The following MAP3K15 variants were observed in gnomAD, a reference collection of about 807,000 sequenced individuals.
The protein encoded by MAP3K15 is mitogen-activated protein kinase kinase kinase 15.
A neutral mutation model predicts 99.5 loss-of-function variants in MAP3K15; 124 were observed. That is an observed-to-expected ratio of 1.25 (90% confidence interval 1.08 to 1.45). The LOEUF is 1.45. Among genes scored for constraint, MAP3K15 ranks in the 40% most tolerant of loss-of-function variants. The pLI is 0.00. For missense variants in MAP3K15, 1,242 were observed against 1,079.7 expected, an observed-to-expected ratio of 1.15 and a Z score of -2.11; for synonymous variants, 494 against 439.6, an observed-to-expected ratio of 1.12 and a Z score of -1.55.
intron 1 of MAP3K15, among the ~76,000 whole-genome samples, chrX:19,508,683 G>C (rs2064496544): frequency 3.6e-5 from 4 of 111,088 alleles, no homozygotes; most frequent in African/African-American, 1.3e-4. Flanking sequence ...AGGAATTCGA[G>C]TCCATAAGAT....
At chrX:19,384,235 T>C (rs151126647) in intron 18 of MAP3K15, among the ~76,000 whole-genome samples, 1 of 110,836 alleles carries the variant, frequency 9.0e-6, no homozygotes, top group Non-Finnish European at 1.9e-5. Context: ...AAGTCAGGCA[T>C]AGAAAGAGAA....
chrX:19,419,628 C>A (rs768864054), intron 9 of MAP3K15, among the ~76,000 whole-genome samples: 214 of 110,508 alleles, frequency 1.9e-3, no homozygotes, highest in African/African-American at 4.2e-3. Context: ...TAGACAGATC[C>A]ACGAGACAGA....
chrX:19,360,566 G>GT lies in MAP3K15; in HGVS notation c.*182dup. The GT allele has an allele frequency of 2.5e-6, 1 of 401,140 alleles. No homozygotes were observed. Among genetic ancestry groups the GT allele is most frequent in the Non-Finnish European group, 4.3e-6 (1 of 231,225 alleles). The allele number at this position is 401,140 out of a possible 1,213,427, so 33.1% of individuals were successfully genotyped here. On this transcript the variant is annotated 3_prime_UTR_variant, in exon 29 of 29. Transcript: ENST00000338883. ...GTTTTCACAATACACACAGTTCTAT[G>GT]TTTATAAATAACAGGTTTCAAAAGA... is the stretch of plus-strand genomic sequence containing the variant.
At chrX:19,392,776 C>T (rs1490415763) in intron 16 of MAP3K15, among the ~76,000 whole-genome samples, 1 of 111,400 alleles carries the variant, frequency 9.0e-6, no homozygotes, top group African/African-American at 3.3e-5. Context: ...AGGAGGAGAG[C>T]GAAATAATGC....
intron 11 of MAP3K15, among the ~76,000 whole-genome samples, chrX:19,410,644 T>C (rs2063680347): frequency 9.0e-6 from 1 of 111,551 alleles, no homozygotes; most frequent in African/African-American, 3.3e-5. Context: ...GTTAAGATAT[T>C]GAGATTTGGG....
chrX:19,505,981 G>A (rs1431742331), intron 1 of MAP3K15, among the ~76,000 whole-genome samples: 3 of 110,104 alleles, frequency 2.7e-5, no homozygotes, highest in Non-Finnish European at 5.7e-5. Context: ...TGCTCAGGCT[G>A]TAGTGCAATG....
intron 1 of MAP3K15, among the ~76,000 whole-genome samples, chrX:19,509,383 T>C (rs1014839138): frequency 2.7e-5 from 3 of 111,634 alleles, no homozygotes; most frequent in African/African-American, 9.8e-5. Flanking sequence ...AGAACAGAAA[T>C]CATAACAGCC....
Position 19,426,218 on chromosome X carries a change from TA to T in MAP3K15, c.1279+12del. ...ATCAAAGCAACAACATCTGCAATAA[TA>T]AGCAGCTTTACCTATTTTCCTTAGT... On this transcript the variant is annotated intron_variant, in intron 8 of 28. Transcript: ENST00000338883. 1.0e-6 allele frequency: 1 copy of T among 974,264 alleles called. No homozygotes were observed. Among genetic ancestry groups the T allele is most frequent in the South Asian group, 2.3e-5 (1 of 42,576 alleles). 80.3% of individuals were successfully genotyped at this position (974,264 alleles called of 1,213,427 possible).
In MAP3K15 at chrX:19,373,528, G is replaced by C; in HGVS notation, c.2933+8C>G. ...GGCCCGCGGCAGACAGACAGAATAC[G>C]GGTGTACCTGAGGAGGTGGCCAAGG... On this transcript the variant is annotated splice_region_variant and intron_variant, in intron 21 of 28. Transcript: ENST00000338883. The C allele has an allele frequency of 1.7e-6, 2 of 1,168,245 alleles. No individual in the cohort carries two copies. The highest frequency in any genetic ancestry group is 2.3e-6 in the Non-Finnish European group (2 of 873,202).
chrX:19,488,189 A>G (rs1201434646), intron 2 of MAP3K15, among the ~76,000 whole-genome samples: 4 of 112,287 alleles, frequency 3.6e-5, no homozygotes, highest in African/African-American at 1.3e-4. Context: ...CATGTTAAAC[A>G]TTTCCACTAT....
intron 7 of MAP3K15, among the ~76,000 whole-genome samples, chrX:19,427,829 T>C (rs977499507): frequency 1.8e-5 from 2 of 111,366 alleles, no homozygotes; most frequent in African/African-American, 6.5e-5. Flanking sequence ...AGTTAAAATA[T>C]GGCATTATCA....
intron 9 of MAP3K15, among the ~76,000 whole-genome samples, chrX:19,415,829 A>C (rs1221206949): frequency 8.9e-6 from 1 of 112,228 alleles, no homozygotes; most frequent in Non-Finnish European, 1.9e-5. Context: ...TCTTACAAAA[A>C]GTTAAAATGT....
chrX:19,458,161 C>T (rs768239059), intron 5 of MAP3K15, among the ~76,000 whole-genome samples: 2 of 111,929 alleles, frequency 1.8e-5, no homozygotes, highest in African/African-American at 3.2e-5. Flanking sequence ...TGTGGCTCTG[C>T]GCCTTGATGC....
At chrX:19,417,866 A>G (rs1229650599) in intron 9 of MAP3K15, among the ~76,000 whole-genome samples, 3 of 111,881 alleles carry the variant, frequency 2.7e-5, no homozygotes, top group African/African-American at 9.7e-5. Context: ...TGATCAGGCA[A>G]CAACATCTGC....
In MAP3K15 at chrX:19,372,706, G is replaced by A. The variant is rs761795801; in HGVS notation, c.3055C>T (p.Leu1019Phe). The change falls in exon 22 of 29, where the codon CTC (leucine) becomes TTC (phenylalanine). Residue 1019 changes from leucine (L) to phenylalanine (F), a missense_variant. Physicochemically the swap from Leu to Phe is conservative, Grantham distance 22. Coordinates refer to ENST00000338883, the MANE Select transcript of MAP3K15 (RefSeq NM_001001671.4). Reference protein sequence around the residue: ...SERRAILYKILWEEQNQVASN... With the variant: ...SERRAILYKIFWEEQNQVASN... ...GCCACCTGGTTCTGCTCCTCCCAGA[G>A]GATTTTGTACAGGATGGCACGGCGC... 1.7e-6 allele frequency: 2 copies of A among 1,211,737 alleles called. No individual in the cohort carries two copies. Among genetic ancestry groups the A allele is most frequent in the South Asian group, 1.8e-5 (1 of 56,996 alleles).
intron 16 of MAP3K15, 25 bp downstream of exon 16, chrX:19,395,056 A>G (rs761923602): frequency 8.3e-7 from 1 of 1,197,673 alleles, no homozygotes; most frequent in Admixed American, 2.2e-5. Context: ...TCAGAATGTG[A>G]GACCAGAAGA....
intron 6 of MAP3K15, 74 bp from the exon 7 acceptor site, chrX:19,431,682 C>T: frequency 2.1e-6 from 2 of 940,671 alleles, no homozygotes; most frequent in East Asian, 3.3e-5. Flanking sequence ...GCAGTGGCTC[C>T]CACCTGTAAT....
chrX:19,396,604 A>G (rs1053094305), intron 15 of MAP3K15, among the ~76,000 whole-genome samples: 3 of 112,338 alleles, frequency 2.7e-5, no homozygotes, highest in Non-Finnish European at 5.6e-5. Flanking sequence ...CTCATAATTC[A>G]CGTATCATAA....
At chrX:19,507,941 C>A (rs111397397) in intron 1 of MAP3K15, among the ~76,000 whole-genome samples, 8 of 112,365 alleles carry the variant, frequency 7.1e-5, no homozygotes, top group African/African-American at 2.6e-4. Context: ...GATCTCAGCT[C>A]ACTGCAACCT....
Sources: allele counts gnomAD v4.1 joint callset (sites outside exome capture counted in the v4.1 genomes callset), GRCh38; gene constraint gnomAD v4.1.1; transcripts MANE v1.5; gene names NCBI Gene and HGNC (gene_info 2026-07-23, HGNC 2026-07-21).